Variants in NRXN3 observed in about 807,000 individuals in gnomAD.
NRXN3 encodes neurexin 3.
Under a neutral mutation model 137.6 loss-of-function variants are expected in NRXN3, and 32 were observed. The observed-to-expected ratio is 0.23, with a 90% CI of 0.18 to 0.31. NRXN3 has a LOEUF of 0.31. NRXN3 is among the 10% of genes least tolerant of loss of function. NRXN3 has a pLI of 1.00. For missense variants in NRXN3, 1,574 were observed against 2,062.5 expected (o/e 0.76, Z 4.59); for synonymous variants, 798 against 784.5 (o/e 1.02, Z -0.29).
intron 7 of NRXN3, 43 bp downstream of exon 7, chr14:78,709,698 G>A (rs1457112143): frequency 1.3e-6 from 2 of 1,538,670 alleles, no homozygotes; most frequent in South Asian, 1.2e-5. Context: ...GACGAAAGCT[G>A]TAGCTTCTCA....
At chr14:78,513,560 T>A (rs11159369) in intron 4 of NRXN3, among the ~76,000 whole-genome samples, 58,323 of 152,034 alleles carry the variant, frequency 0.38, 11,446 homozygotes, top group Admixed American at 0.43. Context: ...CACAGGAACA[T>A]GCAGTCTATT....
At chr14:79,420,109 G>A (rs571820788) in intron 15 of NRXN3, among the ~76,000 whole-genome samples, 5 of 152,288 alleles carry the variant, frequency 3.3e-5, no homozygotes, top group African/African-American at 1.2e-4. Flanking sequence ...TAGTGGTGTA[G>A]TAGTAGGAAC....
intron 16 of NRXN3, among the ~76,000 whole-genome samples, chr14:79,588,075 C>T (rs1451719428): frequency 2.0e-5 from 3 of 152,122 alleles, no homozygotes; most frequent in Non-Finnish European, 4.4e-5. Context: ...AGGAAAATGT[C>T]ATGTGTCAAG....
intron 8 of NRXN3, among the ~76,000 whole-genome samples, chr14:78,781,795 G>C (rs112970439): frequency 1.3e-5 from 2 of 152,168 alleles, no homozygotes; most frequent in East Asian, 1.9e-4. Flanking sequence ...CTAAAATCAG[G>C]CCAGAGATTG....
intron 19 of NRXN3, among the ~76,000 whole-genome samples, chr14:79,798,241 A>G (rs2099166892): frequency 6.6e-6 from 1 of 152,234 alleles, no homozygotes; most frequent in Admixed American, 6.5e-5. Flanking sequence ...AAATCTCATT[A>G]AAGGTTATAG....
At chr14:78,282,696 G>A (rs921257016) in intron 3 of NRXN3, among the ~76,000 whole-genome samples, 7 of 152,094 alleles carry the variant, frequency 4.6e-5, no homozygotes, top group East Asian at 3.9e-4. Flanking sequence ...CTTGATCTCC[G>A]CCCCGTATTG....
chr14:78,467,354 A>G (rs1427651069), intron 4 of NRXN3, among the ~76,000 whole-genome samples: 1 of 152,372 alleles, frequency 6.6e-6, no homozygotes, highest in East Asian at 1.9e-4. Context: ...TGCTACAGGT[A>G]TAAAACCAAA....
chr14:79,151,034 A>C (rs766418618), intron 15 of NRXN3, among the ~76,000 whole-genome samples: 4 of 152,082 alleles, frequency 2.6e-5, no homozygotes, highest in Non-Finnish European at 5.9e-5. Context: ...CTTTTGTTTA[A>C]AAATATGATC....
chr14:79,403,140 C>G (rs1018995851), intron 15 of NRXN3, among the ~76,000 whole-genome samples: 5 of 152,040 alleles, frequency 3.3e-5, no homozygotes, highest in Admixed American at 3.3e-4. Context: ...ATTAGAGGCT[C>G]TAATATCTGT....
chr14:79,705,880 T>G (rs1489361251), intron 19 of NRXN3, among the ~76,000 whole-genome samples: 1 of 152,112 alleles, frequency 6.6e-6, no homozygotes, highest in Non-Finnish European at 1.5e-5. Context: ...AGATTGTGAG[T>G]TCTAGGATGG....
chr14:79,609,318 C>A (rs1469716560), intron 16 of NRXN3, among the ~76,000 whole-genome samples: 1 of 152,144 alleles, frequency 6.6e-6, no homozygotes, highest in Non-Finnish European at 1.5e-5. Flanking sequence ...GTCACAAAAC[C>A]AGAATATATA....
At chr14:79,684,428 C>CT (rs1387636631) in intron 17 of NRXN3, among the ~76,000 whole-genome samples, 3 of 152,118 alleles carry the variant, frequency 2.0e-5, no homozygotes. Flanking sequence ...GTGATTGTTA[C>CT]TTTTAGATAT....
intron 19 of NRXN3, among the ~76,000 whole-genome samples, chr14:79,783,751 T>C (rs1413418442): frequency 6.6e-6 from 1 of 152,192 alleles, no homozygotes; most frequent in Non-Finnish European, 1.5e-5. Context: ...TTGTCACACA[T>C]TGTCTGTGCT....
intron 7 of NRXN3, among the ~76,000 whole-genome samples, chr14:78,710,595 G>A (rs1213113644): frequency 6.6e-6 from 1 of 152,196 alleles, no homozygotes; most frequent in Non-Finnish European, 1.5e-5. Flanking sequence ...CATATTTATA[G>A]AGATTCACTT....
chr14:79,146,862 C>T (rs911700208), intron 15 of NRXN3, among the ~76,000 whole-genome samples: 1 of 152,128 alleles, frequency 6.6e-6, no homozygotes, highest in African/African-American at 2.4e-5. Flanking sequence ...GGAGGTTCCT[C>T]CCCCTACTCT....
At chr14:79,464,723 T>C (rs2096399336) in intron 15 of NRXN3, among the ~76,000 whole-genome samples, 1 of 152,176 alleles carries the variant, frequency 6.6e-6, no homozygotes. Flanking sequence ...CAGTTTATTG[T>C]GTAATTACAT....
chr14:79,485,329 A>C (rs2096645544), intron 16 of NRXN3, among the ~76,000 whole-genome samples: 1 of 152,130 alleles, frequency 6.6e-6, no homozygotes, highest in African/African-American at 2.4e-5. Context: ...GAGAGTAAAG[A>C]ATTTCTTCTC....
At chr14:79,502,366 A>G (rs780197249) in intron 16 of NRXN3, among the ~76,000 whole-genome samples, 1 of 152,018 alleles carries the variant, frequency 6.6e-6, no homozygotes, top group Non-Finnish European at 1.5e-5. Context: ...TTTTTTTCTT[A>G]TTTGAGCCTG....
intron 10 of NRXN3, among the ~76,000 whole-genome samples, chr14:78,909,878 A>G (rs2099231705): frequency 6.6e-6 from 1 of 151,842 alleles, no homozygotes; most frequent in Non-Finnish European, 1.5e-5. Context: ...TTATCTATCT[A>G]TTTATCTGTC....
Sources: allele counts gnomAD v4.1 joint callset (sites outside exome capture counted in the v4.1 genomes callset), GRCh38; gene constraint gnomAD v4.1.1; transcripts MANE v1.5; gene names NCBI Gene and HGNC (gene_info 2026-07-23, HGNC 2026-07-21).